TNC: variants seen among roughly 807,000 people sequenced by gnomAD.
TNC encodes tenascin.
In TNC, 109 loss-of-function variants were observed where a neutral mutation model predicts 202.4. That is an observed-to-expected ratio of 0.54 (90% confidence interval 0.46 to 0.63). The LOEUF (loss-of-function observed/expected upper bound fraction) is 0.63. Ranked by LOEUF, TNC falls within the 30% of genes least tolerant of loss-of-function variation. The pLI is 0.00. For synonymous variants in TNC, 1,007 were observed against 1,089.7 expected (o/e 0.92, Z 1.50); for missense variants, 2,756 against 2,833.3 (o/e 0.97, Z 0.62).
chr9:115,073,689 A>C lies in TNC; in HGVS notation c.3128T>G (p.Leu1043Arg). 6.2e-7 allele frequency: 1 copy of C among 1,614,114 alleles called. No homozygotes were observed. Among genetic ancestry groups the C allele is most frequent in the Non-Finnish European group, 8.5e-7 (1 of 1,179,990 alleles). Residue 1043 changes from leucine to arginine, a missense_variant, in exon 10 of 28, where the codon CTG becomes CGG. Physicochemically the swap from Leu to Arg is moderately radical, Grantham distance 102 (BLOSUM62 -2). Transcript: ENST00000350763. ...RNTTSYVLRG[L>R]EPGQEYNVLL... ...GACATTGTACTCCTGTCCTGGTTCC[A>C]GGCCTCTCAGGACATAGGAAGTGGT...
At position 115,073,624 on chromosome 9, in the gene TNC, C is replaced by T. The variant is rs757368961; in HGVS notation, c.3193G>A (p.Ala1065Thr). 8.1e-6 allele frequency: 13 copies of T among 1,613,870 alleles called. No homozygotes were observed. The highest frequency in any genetic ancestry group is 1.6e-4 in the Middle Eastern group (1 of 6,080). The change falls in exon 10 of 28, where the codon GCA becomes ACA. Residue 1065 changes from alanine to threonine, a missense_variant. Ala to Thr is a moderately conservative substitution (Grantham distance 58). Transcript: ENST00000350763. ...TCACCAGTGGATGCCTTCACACGTG[C>T]GGGCTTGCTCTTGTGTCTGCCTTTC... ...AEKGRHKSKP[A>T]RVKASTEQAP...
intron 1 of TNC, among the ~76,000 whole-genome samples, chr9:115,092,749 ATTTTTTT>A (rs34706824): frequency 7.2e-6 from 1 of 139,256 alleles, no homozygotes; most frequent in African/African-American, 2.6e-5. Context: ...GATTTTTTGT[ATTTTTTT>A]TTTTTTTTTA....
Position 115,030,275 on chromosome 9 carries a change from G to A in TNC, c.6051C>T (p.Thr2017=), listed in dbSNP as rs1157432743. ...TCACAATCCATCCACCCCCATCAGA[G>A]GTCATGTCACAGAAGACTTCCAGCG... The part of the protein sequence containing the change: ...AEALEVFCDM[T]SDGGGWIVFL... The change falls in exon 24 of 28, where the codon ACC becomes ACT. Residue 2017 remains threonine, a synonymous_variant. Coordinates refer to ENST00000350763, the MANE Select transcript of TNC (RefSeq NM_002160.4). 5.6e-6 allele frequency: 9 copies of A among 1,612,524 alleles called. No individual in the cohort carries two copies. The highest frequency in any genetic ancestry group is 6.8e-6 in the Non-Finnish European group (8 of 1,178,870).
In TNC at chr9:115,059,758, T is replaced by C. The variant is rs1588089251; in HGVS notation, c.4278A>G (p.Thr1426=). 6.2e-7 allele frequency: 1 copy of C among 1,611,958 alleles called. No homozygotes were observed. The highest frequency in any genetic ancestry group is 1.3e-5 in the African/African-American group (1 of 74,836). ...SIYGVIRGYR[T]PVLSAEASTA... ...TGGAGGCCTCAGCAGAGAGTACTGG[T>C]GTTCTATAGCCCCGGATCACCCCAT... Residue 1426 remains threonine (T), a synonymous_variant, in exon 14 of 28, where the codon ACA becomes ACG. Coordinates refer to ENST00000350763, the MANE Select transcript of TNC (RefSeq NM_002160.4).
At position 115,087,005 on chromosome 9, in the gene TNC, G is replaced by A. The variant is rs149034355; in HGVS notation, c.726C>T (p.Tyr242=). The A allele has an allele frequency of 1.5e-5, 24 of 1,613,452 alleles. No individual in the cohort carries two copies. Among genetic ancestry groups the A allele is most frequent in the African/African-American group, 4.0e-5 (3 of 74,922 alleles). The change falls in exon 3 of 28, where the codon TAC becomes TAT. Residue 242 remains tyrosine, a synonymous_variant. Transcript: ENST00000350763. ...TTTCACGGCTGCAGTCAGCCCCGGCGTAGCCTTCGAAACAGATGCAGACTC... is the reference window on the plus strand; with the variant it reads ...TTTCACGGCTGCAGTCAGCCCCGGCATAGCCTTCGAAACAGATGCAGACTC... ...VNGVCICFEG[Y]AGADCSREIC...
At chr9:115,073,388 C>T (rs1833601704) in intron 10 of TNC, among the ~76,000 whole-genome samples, 1 of 152,098 alleles carries the variant, frequency 6.6e-6, no homozygotes, top group Non-Finnish European at 1.5e-5. Context: ...ATTTTAAAAC[C>T]CCTATTTCCC....
At position 115,090,671 on chromosome 9, in the gene TNC, G is replaced by A; in HGVS notation, c.348C>T (p.Ala116=). The A allele has an allele frequency of 6.2e-7, 1 of 1,614,088 alleles. No homozygotes were observed. The highest frequency in any genetic ancestry group is 1.6e-4 in the Middle Eastern group (1 of 6,062). Reference sequence around the variant, plus strand: ...TGCTCAGCAGCTCCTTAACATCAGGGGCTGCGGCACAGCCACAGGCCCGGC... The same window carrying A: ...TGCTCAGCAGCTCCTTAACATCAGGAGCTGCGGCACAGCCACAGGCCCGGC... The part of the protein sequence containing the change: ...IPRRACGCAA[A]PDVKELLSRL... The change falls in exon 2 of 28, where the codon GCC becomes GCT. Residue 116 remains alanine, a synonymous_variant. Transcript: ENST00000350763.
chr9:115,077,270 A>C (rs982058797), intron 7 of TNC, among the ~76,000 whole-genome samples: 5 of 152,170 alleles, frequency 3.3e-5, no homozygotes, highest in East Asian at 1.9e-4. Context: ...GTTAGCCAGA[A>C]TGGTCTCAAT....
rs779887520 is a variant in TNC, at chr9:115,086,945, T to C, written c.786A>G (p.Thr262=). Residue 262 remains threonine (T), a synonymous_variant, in exon 3 of 28, where the codon ACA becomes ACG. Transcript: ENST00000350763. ...GGCACACACACAAGCCATCTACACATGTGCCGTGCTCCTCACTGCAGGGCA... is the reference window on the plus strand; with the variant it reads ...GGCACACACACAAGCCATCTACACACGTGCCGTGCTCCTCACTGCAGGGCA... ...CPVPCSEEHG[T]CVDGLCVCHD... 5 of 1,614,088 alleles carry C rather than the reference T, an allele frequency of 3.1e-6. No homozygotes were observed. Among genetic ancestry groups the C allele is most frequent in the African/African-American group, 1.3e-5 (1 of 74,940 alleles).
intron 10 of TNC, among the ~76,000 whole-genome samples, chr9:115,068,452 C>T (rs746387714): frequency 9.2e-5 from 14 of 152,208 alleles, no homozygotes; most frequent in Non-Finnish European, 1.5e-4. Context: ...TCAGCGTCCA[C>T]TTAGGGGAGA....
chr9:115,023,955 C>T lies in TNC; in HGVS notation c.6495+18G>A, dbSNP rs1240063217. The T allele has an allele frequency of 6.2e-7, 1 of 1,610,046 alleles. No homozygotes were observed. The highest frequency in any genetic ancestry group is 8.5e-7 in the Non-Finnish European group (1 of 1,176,760). The stretch of plus-strand genomic sequence containing the variant: ...CTTCCCAAGCTTGGCCTGCTCTGGG[C>T]CCTCACGGTCCACTCACCTGACTGT... On this transcript the variant is annotated intron_variant, in intron 27 of 27. Coordinates refer to ENST00000350763, the MANE Select transcript of TNC (RefSeq NM_002160.4).
chr9:115,069,758 CCCTCCCTCCCTCCCTCCCTT>C (rs1833307508), intron 10 of TNC, among the ~76,000 whole-genome samples: 1 of 8,066 alleles, frequency 1.2e-4, no homozygotes, highest in African/African-American at 4.3e-4. Context: ...CTCCCTCCCT[CCCTCCCTCCCTCCCTCCCTT>C]CCTTCCTTCC....
chr9:115,082,789 C>G lies in TNC; in HGVS notation c.2150G>C (p.Gly717Ala), dbSNP rs1191785265. Residue 717 changes from glycine to alanine, a missense_variant, in exon 5 of 28, where the codon GGC becomes GCC. Physicochemically the swap from Gly to Ala is moderately conservative, Grantham distance 60. Around this residue, in one of 2 missense-constraint regions of TNC, gnomAD observed 2,559 missense variants for 2,546.0 expected, o/e 1.01. Transcript: ENST00000350763. Reference sequence around the variant, plus strand: ...CTCCTTGATGGACTTGAATTTCAGGCCTTCAGGTGCAGGTAAGTCTGTAAG... The same window carrying G: ...CTCCTTGATGGACTTGAATTTCAGGGCTTCAGGTGCAGGTAAGTCTGTAAG... ...RVATYLPAPE[G>A]LKFKSIKETS... 1 of 1,613,760 alleles carries G rather than the reference C, an allele frequency of 6.2e-7. No homozygotes were observed. The highest frequency in any genetic ancestry group is 1.3e-5 in the African/African-American group (1 of 74,912).
intron 6 of TNC, among the ~76,000 whole-genome samples, chr9:115,079,430 C>T (rs949548260): frequency 6.6e-6 from 1 of 152,056 alleles, no homozygotes; most frequent in African/African-American, 2.4e-5. Flanking sequence ...AAAATGATGT[C>T]GCAAAAATGG....
Position 115,038,282 on chromosome 9 carries a change from T to C in TNC, c.5491A>G (p.Ile1831Val), listed in dbSNP as rs1276092178. Residue 1831 changes from isoleucine to valine, a missense_variant, in exon 20 of 28, where the codon ATC becomes GTC. Around this residue, in one of 2 missense-constraint regions of TNC, gnomAD observed 2,559 missense variants for 2,546.0 expected, o/e 1.01. Transcript: ENST00000350763. ...TTACCTTTCTCGCCTGTGTAGGAGATGACATAACTGTCCACAGTGGCAATG... is the reference window on the plus strand; with the variant it reads ...TTACCTTTCTCGCCTGTGTAGGAGACGACATAACTGTCCACAGTGGCAATG... ...PAIATVDSYV[I>V]SYTGEKVPEI... 2 of 1,613,996 alleles carry C rather than the reference T, an allele frequency of 1.2e-6. No individual in the cohort carries two copies. Among genetic ancestry groups the C allele is most frequent in the South Asian group, 1.1e-5 (1 of 91,064 alleles).
In TNC at chr9:115,058,408, A is replaced by G. The variant is rs73656720; in HGVS notation, c.4307-983T>C. 8.7e-3 allele frequency among the ~76,000 whole-genome samples: 1,322 copies of G among 152,358 alleles called. 13 individuals carry two copies. Among genetic ancestry groups the G allele is most frequent in the African/African-American group, 0.03 (1,245 of 41,574 alleles). ...GGCAAGAATGTTGCTATTGTTAAGAAGAAAAACACACACACATAAAAATAC... is the reference window on the plus strand; with the variant it reads ...GGCAAGAATGTTGCTATTGTTAAGAGGAAAAACACACACACATAAAAATAC... On this transcript the variant is annotated intron_variant, in intron 14 of 27. Transcript: ENST00000350763.
At chr9:115,028,063 G>T (rs991597507) in intron 25 of TNC, among the ~76,000 whole-genome samples, 17 of 152,054 alleles carry the variant, frequency 1.1e-4, no homozygotes, top group African/African-American at 3.9e-4. Flanking sequence ...ATACATCTCT[G>T]GAATACATGC....
chr9:115,038,226 C>A, intron 20 of TNC, 35 bp downstream of exon 20: 1 of 1,607,866 alleles, frequency 6.2e-7, no homozygotes, highest in South Asian at 1.1e-5. Context: ...GAAAGACACT[C>A]CTTAGAGTGA....
At position 115,031,816 on chromosome 9, in the gene TNC, A is replaced by T. The variant is rs1333730692; in HGVS notation, c.5788-131T>A. The T allele has an allele frequency of 2.7e-6, 3 of 1,119,724 alleles. No homozygotes were observed. The Admixed American group carries it at 8.2e-5, about 31-fold the overall frequency. 69.4% of individuals were successfully genotyped at this position (1,119,724 alleles called of 1,614,324 possible). ...CTTACTGGACAAGAATTCATTGAGT[A>T]CCCACTCTCTACCAGGCTCCATGTG... is the stretch of plus-strand genomic sequence containing the variant. On this transcript the variant is annotated intron_variant, in intron 22 of 27. Transcript: ENST00000350763.
Sources: allele counts gnomAD v4.1 joint callset (sites outside exome capture counted in the v4.1 genomes callset), GRCh38; gene constraint gnomAD v4.1.1; regional missense constraint gnomAD v4.1.1; transcripts MANE v1.5; gene names NCBI Gene and HGNC (gene_info 2026-07-23, HGNC 2026-07-21).